The following GDPD1 variants were observed in gnomAD, a reference collection of about 807,000 sequenced individuals.
The protein encoded by GDPD1 is glycerophosphodiester phosphodiesterase domain containing 1, also known as lysophospholipase D GDPD1.
In GDPD1, 28 loss-of-function variants were observed where a neutral mutation model predicts 45.1. The ratio of observed to expected loss-of-function variants is 0.62; its 90% CI spans 0.46 to 0.85. GDPD1 has a LOEUF of 0.85. Among genes scored for constraint, GDPD1 ranks in the 40% least tolerant of loss-of-function variants. The pLI, the probability that GDPD1 is intolerant of heterozygous loss-of-function variation, is 0.00. For synonymous variants in GDPD1, 139 were observed against 131.4 expected, an observed-to-expected ratio of 1.06 and a Z score of -0.40; for missense variants, 256 against 364.8, an observed-to-expected ratio of 0.70 and a Z score of 2.43.
rs2047473725 is a variant in GDPD1 at position 59,275,308 on chromosome 17, TAA to T, written c.*1538_*1539del. The T allele has an allele frequency of 1.2e-6, 1 of 827,930 alleles. No homozygotes were observed. Among genetic ancestry groups the T allele is most frequent in the Non-Finnish European group, 1.9e-6 (1 of 529,178 alleles). The allele number at this position is 827,930 out of a possible 1,614,324, so 51.3% of individuals were successfully genotyped here. ...TCAGCAGCAGCCAGGCTCAAGAAAA[TAA>T]AAGTTGATTAGTTGATCAGAAATAA... On this transcript the variant is annotated 3_prime_UTR_variant, in exon 10 of 10. Coordinates refer to ENST00000284116, the MANE Select transcript of GDPD1 (RefSeq NM_182569.4).
chr17:59,235,816 CAAAA>C (rs368914278), intron 2 of GDPD1, among the ~76,000 whole-genome samples: 1 of 97,920 alleles, frequency 1.0e-5, no homozygotes, highest in East Asian at 2.6e-4. Flanking sequence ...GACTCTATCT[CAAAA>C]AAAAAAAAAA....
chr17:59,273,957 T>C lies in GDPD1; in HGVS notation c.*184T>C, dbSNP rs1401697575. On this transcript the variant is annotated 3_prime_UTR_variant, in exon 10 of 10. Coordinates refer to ENST00000284116, the MANE Select transcript of GDPD1 (RefSeq NM_182569.4). ...ATATGTATATTTATTTTAAATAATA[T>C]TGTATATTTTATGTTTGTAAATTGT... 3 of 753,522 alleles carry C rather than the reference T, an allele frequency of 4.0e-6. No individual in the cohort carries two copies. The highest frequency in any genetic ancestry group is 3.8e-5 in the African/African-American group (2 of 52,902). The allele number at this position is 753,522 out of a possible 1,614,324, so 46.7% of individuals were successfully genotyped here.
intron 6 of GDPD1, among the ~76,000 whole-genome samples, chr17:59,265,998 A>AACC (rs1423747464): frequency 6.7e-6 from 1 of 150,184 alleles, no homozygotes; most frequent in African/African-American, 2.5e-5. Context: ...ATATACTTAA[A>AACC]ACCACCAAAC....
Position 59,275,243 on chromosome 17 carries a change from G to GA in GDPD1, c.*1473dup. 1 of 1,484,594 alleles carries GA rather than the reference G, an allele frequency of 6.7e-7. No individual in the cohort carries two copies. The allele number at this position is 1,484,594 out of a possible 1,614,324, so 92.0% of individuals were successfully genotyped here. ...GAAAAATAAAACGGAAAAAAGCTTG[G>GA]AAATCAGTGATGTGTAGTTATTTGG... is the stretch of plus-strand genomic sequence containing the variant. On this transcript the variant is annotated 3_prime_UTR_variant, in exon 10 of 10. Transcript: ENST00000284116.
At chr17:59,266,762 C>G (rs1252211701) in intron 6 of GDPD1, among the ~76,000 whole-genome samples, 1 of 152,082 alleles carries the variant, frequency 6.6e-6, no homozygotes, top group Non-Finnish European at 1.5e-5. Context: ...GCTGTAAGTA[C>G]TGTAACCAAC....
chr17:59,245,366 C>T, intron 2 of GDPD1, 48 bp from the exon 3 acceptor site: 2 of 1,535,174 alleles, frequency 1.3e-6, no homozygotes, highest in East Asian at 2.3e-5. Context: ...GCATGTAACC[C>T]AAATGTATAC....
chr17:59,241,205 T>G (rs1227589669), intron 2 of GDPD1, among the ~76,000 whole-genome samples: 1 of 152,234 alleles, frequency 6.6e-6, no homozygotes, highest in Non-Finnish European at 1.5e-5. Context: ...TGTTAAGTGG[T>G]GCATGACTTT....
chr17:59,248,604 T>G, intron 3 of GDPD1, 136 bp from the exon 4 acceptor site: 1 of 586,868 alleles, frequency 1.7e-6, no homozygotes, highest in Non-Finnish European at 3.0e-6. Context: ...GTTGGGGATG[T>G]TCTGCTAAGG....
intron 6 of GDPD1, among the ~76,000 whole-genome samples, chr17:59,260,195 G>T (rs898288029): frequency 1.4e-5 from 2 of 144,820 alleles, no homozygotes; most frequent in African/African-American, 5.1e-5. Flanking sequence ...TGATTATTAA[G>T]CAAGATATAA....
chr17:59,234,442 AG>A (rs1193243070), intron 1 of GDPD1, 49 bp from the exon 2 acceptor site: 14 of 1,167,602 alleles, frequency 1.2e-5, no homozygotes, highest in Non-Finnish European at 1.6e-5. Flanking sequence ...AATTAACTTC[AG>A]GAAAATTAAA....
intron 6 of GDPD1, among the ~76,000 whole-genome samples, chr17:59,258,681 G>A (rs1223786035): frequency 2.0e-5 from 3 of 152,288 alleles, no homozygotes; most frequent in East Asian, 3.9e-4. Flanking sequence ...CAATGCAGTT[G>A]AACTGGTTCA....
intron 1 of GDPD1, among the ~76,000 whole-genome samples, chr17:59,233,649 C>G (rs942565678): frequency 3.3e-5 from 5 of 151,978 alleles, no homozygotes; most frequent in African/African-American, 1.2e-4. Flanking sequence ...ACTTAGTTAC[C>G]CTGAACATTA....
chr17:59,224,451 G>A (rs997291397), intron 1 of GDPD1, among the ~76,000 whole-genome samples: 2 of 151,872 alleles, frequency 1.3e-5, no homozygotes, highest in Non-Finnish European at 2.9e-5. Flanking sequence ...GTGAAACACC[G>A]TCGCTACTAA....
chr17:59,222,505 CTTTTTTTTT>C (rs149536097), intron 1 of GDPD1, among the ~76,000 whole-genome samples: 9 of 41,740 alleles, frequency 2.2e-4, no homozygotes, highest in African/African-American at 3.6e-4. Flanking sequence ...AGTGCCCAGC[CTTTTTTTTT>C]TTTTTTTTTT....
At chr17:59,233,467 G>C (rs1203277547) in intron 1 of GDPD1, among the ~76,000 whole-genome samples, 1 of 146,448 alleles carries the variant, frequency 6.8e-6, no homozygotes, top group African/African-American at 2.6e-5. Context: ...AGCCGAGATA[G>C]TGCCACTGCA....
intron 6 of GDPD1, among the ~76,000 whole-genome samples, chr17:59,261,737 G>C (rs1178710821): frequency 6.6e-6 from 1 of 151,560 alleles, no homozygotes; most frequent in Non-Finnish European, 1.5e-5. Context: ...GGCCTCAAGT[G>C]ATCCTCCCAC....
chr17:59,254,816 G>GGGAC (rs2047284059), intron 4 of GDPD1, among the ~76,000 whole-genome samples: 1 of 152,074 alleles, frequency 6.6e-6, no homozygotes, highest in Admixed American at 6.6e-5. Flanking sequence ...TTTGCTTTTA[G>GGGAC]GGACACCCTT....
intron 6 of GDPD1, among the ~76,000 whole-genome samples, chr17:59,260,401 G>C (rs1355867085): frequency 6.6e-6 from 1 of 151,952 alleles, no homozygotes; most frequent in Non-Finnish European, 1.5e-5. Flanking sequence ...AATTAGCCGG[G>C]CATGGTGGTG....
chr17:59,233,588 T>C (rs940942039), intron 1 of GDPD1, among the ~76,000 whole-genome samples: 1 of 152,236 alleles, frequency 6.6e-6, no homozygotes, highest in Non-Finnish European at 1.5e-5. Flanking sequence ...CTGCCTTTTT[T>C]GTTGCTGTTT....
Sources: allele counts gnomAD v4.1 joint callset (sites outside exome capture counted in the v4.1 genomes callset), GRCh38; gene constraint gnomAD v4.1.1; transcripts MANE v1.5; gene names NCBI Gene and HGNC (gene_info 2026-07-23, HGNC 2026-07-21).